Variants in CCDC91 observed in about 807,000 individuals in gnomAD.
The protein encoded by CCDC91 is coiled-coil domain containing 91.
Under a neutral mutation model 63.2 loss-of-function variants are expected in CCDC91, and 48 were observed. The ratio of observed to expected loss-of-function variants is 0.76; its 90% CI spans 0.60 to 0.97. The LOEUF (loss-of-function observed/expected upper bound fraction) is 0.97. CCDC91 is among the 50% of genes least tolerant of loss of function. The pLI is 0.00. For missense variants in CCDC91, 500 were observed against 494.6 expected, an observed-to-expected ratio of 1.01 and a Z score of -0.10; for synonymous variants, 167 against 165.8, an observed-to-expected ratio of 1.01 and a Z score of -0.06.
chr12:28,218,731 A>C (rs200167712), intron 1 of CCDC91, among the ~76,000 whole-genome samples: 1 of 90,498 alleles, frequency 1.1e-5, no homozygotes, highest in Non-Finnish European at 2.6e-5. Flanking sequence ...GTGTGTGTGT[A>C]TGTATGTATG....
intron 8 of CCDC91, among the ~76,000 whole-genome samples, chr12:28,401,393 G>C (rs1946614225): frequency 6.6e-6 from 1 of 152,060 alleles, no homozygotes; most frequent in Non-Finnish European, 1.5e-5. Context: ...AAGGATAACT[G>C]CCCCCATGAT....
intron 12 of CCDC91, among the ~76,000 whole-genome samples, chr12:28,516,228 G>A (rs968844929): frequency 6.6e-6 from 1 of 151,764 alleles, no homozygotes; most frequent in African/African-American, 2.4e-5. Flanking sequence ...CAATCTGTTG[G>A]GGTTTCATTA....
chr12:28,235,825 G>C lies in CCDC91; in HGVS notation c.-14-21377G>C, dbSNP rs1944908443. Among the ~76,000 whole-genome samples the C allele has an allele frequency of 2.6e-5, 4 of 151,952 alleles. No individual in the cohort carries two copies. In the South Asian group the frequency reaches 8.3e-4, roughly 32 times the overall value. On this transcript the variant is annotated intron_variant, in intron 1 of 12. Transcript: ENST00000536442. ...TATTTTTTTTTTTGGTACTTAAGCT[G>C]TGCGTAGTGTTATTTTTGTGTATGA...
chr12:28,294,568 G>T (rs1251291083), intron 3 of CCDC91, among the ~76,000 whole-genome samples: 18 of 151,976 alleles, frequency 1.2e-4, no homozygotes, highest in Admixed American at 1.2e-3. Flanking sequence ...GTGGAACAGT[G>T]AGTCAGTTAA....
At chr12:28,416,679 A>G (rs1167176455) in intron 8 of CCDC91, among the ~76,000 whole-genome samples, 2 of 152,078 alleles carry the variant, frequency 1.3e-5, no homozygotes, top group Non-Finnish European at 2.9e-5. Flanking sequence ...GTCCAAACCT[A>G]CTACTAAGTT....
chr12:28,396,268 C>G (rs1449963607), intron 8 of CCDC91, among the ~76,000 whole-genome samples: 1 of 151,902 alleles, frequency 6.6e-6, no homozygotes, highest in Non-Finnish European at 1.5e-5. Context: ...AGGGTAAGAC[C>G]ATATGAGGGT....
chr12:28,395,526 G>A (rs530752235), intron 8 of CCDC91, among the ~76,000 whole-genome samples: 44 of 152,254 alleles, frequency 2.9e-4, no homozygotes, highest in Non-Finnish European at 6.0e-4. Context: ...AGAACTCGGG[G>A]AAACATTTTA....
chr12:28,440,217 T>C (rs1338340727), intron 8 of CCDC91, among the ~76,000 whole-genome samples: 1 of 152,216 alleles, frequency 6.6e-6, no homozygotes, highest in Non-Finnish European at 1.5e-5. Context: ...TTTCCTTAAC[T>C]AGTGGCTTTG....
At chr12:28,270,909 A>G (rs1256242732) in intron 3 of CCDC91, among the ~76,000 whole-genome samples, 2 of 152,262 alleles carry the variant, frequency 1.3e-5, no homozygotes, top group Middle Eastern at 3.4e-3. Flanking sequence ...AGGTGAGACA[A>G]TGGGGAACAA....
intron 7 of CCDC91, among the ~76,000 whole-genome samples, chr12:28,374,129 T>C (rs1344527626): frequency 6.6e-6 from 1 of 152,158 alleles, no homozygotes; most frequent in Non-Finnish European, 1.5e-5. Flanking sequence ...CCCTGCTAGC[T>C]CCTCATATTG....
intron 12 of CCDC91, among the ~76,000 whole-genome samples, chr12:28,485,157 T>C (rs1192761721): frequency 6.8e-6 from 1 of 148,064 alleles, no homozygotes; most frequent in African/African-American, 2.5e-5. Flanking sequence ...GTCCTATACT[T>C]TTTTTTTTTG....
At chr12:28,230,036 C>T (rs1348835550) in intron 1 of CCDC91, among the ~76,000 whole-genome samples, 1 of 152,084 alleles carries the variant, frequency 6.6e-6, no homozygotes, top group Non-Finnish European at 1.5e-5. Context: ...GATTCTTTAA[C>T]CACAAGTATT....
intron 3 of CCDC91, among the ~76,000 whole-genome samples, chr12:28,274,556 C>T (rs1216023025): frequency 2.0e-5 from 3 of 152,116 alleles, no homozygotes; most frequent in Non-Finnish European, 4.4e-5. Flanking sequence ...AGGTCCTTCA[C>T]GTCCCTTGCA....
At chr12:28,403,197 G>A (rs1215668115) in intron 8 of CCDC91, among the ~76,000 whole-genome samples, 4 of 152,082 alleles carry the variant, frequency 2.6e-5, no homozygotes, top group Non-Finnish European at 2.9e-5. Flanking sequence ...TCTATCTTCT[G>A]GAAGAGATTG....
At chr12:28,303,878 T>C (rs1484021693) in intron 3 of CCDC91, among the ~76,000 whole-genome samples, 2 of 152,126 alleles carry the variant, frequency 1.3e-5, no homozygotes, top group Non-Finnish European at 2.9e-5. Context: ...GTACTAGTTA[T>C]TTTCATGCCT....
At chr12:28,283,866 A>G (rs1323847260) in intron 3 of CCDC91, among the ~76,000 whole-genome samples, 3 of 152,132 alleles carry the variant, frequency 2.0e-5, no homozygotes, top group Non-Finnish European at 4.4e-5. Context: ...AAAGTGTCAA[A>G]TTTTGGATTA....
At chr12:28,333,017 G>A (rs1941636046) in intron 6 of CCDC91, among the ~76,000 whole-genome samples, 1 of 152,056 alleles carries the variant, frequency 6.6e-6, no homozygotes, top group Non-Finnish European at 1.5e-5. Flanking sequence ...CTTGTTTATA[G>A]TATGACAGTT....
At chr12:28,423,039 A>G (rs1239803033) in intron 8 of CCDC91, among the ~76,000 whole-genome samples, 1 of 152,082 alleles carries the variant, frequency 6.6e-6, no homozygotes, top group Non-Finnish European at 1.5e-5. Flanking sequence ...GACAGAGGAA[A>G]TTATTAAAAG....
At chr12:28,264,581 C>CTGTGTG (rs1357762563) in intron 3 of CCDC91, among the ~76,000 whole-genome samples, 776 of 29,918 alleles carry the variant, frequency 0.026, 4 homozygotes, top group East Asian at 0.063. Context: ...ATATATATGT[C>CTGTGTG]TGTCTGTGTG....
Sources: allele counts gnomAD v4.1 joint callset (sites outside exome capture counted in the v4.1 genomes callset), GRCh38; gene constraint gnomAD v4.1.1; transcripts MANE v1.5; gene names NCBI Gene and HGNC (gene_info 2026-07-23, HGNC 2026-07-21).